The following CADPS2 variants were observed in gnomAD, a reference collection of about 807,000 sequenced individuals.
CADPS2 encodes the protein calcium dependent secretion activator 2, also known as calcium-dependent secretion activator 2.
In CADPS2, 93 loss-of-function variants were observed where a neutral mutation model predicts 172.5. That is an observed-to-expected ratio of 0.54 (90% CI 0.46 to 0.64). The LOEUF (loss-of-function observed/expected upper bound fraction) is 0.64, where lower values mean the gene tolerates loss of function less well. CADPS2 is among the 30% of genes least tolerant of loss of function. The pLI is 0.00. For synonymous variants in CADPS2, 546 were observed against 555.2 expected (o/e 0.98, Z 0.23); for missense variants, 1,420 against 1,565.9 (o/e 0.91, Z 1.57).
At chr7:122,767,275 T>C (rs1323616668) in intron 1 of CADPS2, among the ~76,000 whole-genome samples, 2 of 152,192 alleles carry the variant, frequency 1.3e-5, no homozygotes, top group Admixed American at 1.3e-4. Flanking sequence ...ATCTCATCTT[T>C]ACAACTGTGA....
intron 1 of CADPS2, among the ~76,000 whole-genome samples, chr7:122,859,217 T>A (rs1365864177): frequency 6.6e-6 from 1 of 152,218 alleles, no homozygotes; most frequent in Non-Finnish European, 1.5e-5. Flanking sequence ...AAGAAAAATA[T>A]CCCAAAAGAC....
At chr7:122,859,671 C>T (rs1019562302) in intron 1 of CADPS2, among the ~76,000 whole-genome samples, 2 of 152,192 alleles carry the variant, frequency 1.3e-5, no homozygotes, top group African/African-American at 4.8e-5. Context: ...CCCATGAATA[C>T]CAAAATCCAT....
At chr7:122,499,311 C>G (rs967742966) in intron 9 of CADPS2, among the ~76,000 whole-genome samples, 1 of 152,160 alleles carries the variant, frequency 6.6e-6, no homozygotes, top group Non-Finnish European at 1.5e-5. Flanking sequence ...TCTGCATGAG[C>G]AATAAAATCT....
chr7:122,570,889 C>T (rs1335259684), intron 7 of CADPS2, among the ~76,000 whole-genome samples: 1 of 151,740 alleles, frequency 6.6e-6, no homozygotes, highest in Non-Finnish European at 1.5e-5. Context: ...GTTGTGAGGT[C>T]GGGGGAGCGG....
At chr7:122,427,541 C>T (rs371112653) in intron 17 of CADPS2, 4 of 152,152 alleles carry the variant, frequency 2.6e-5, no homozygotes, top group Non-Finnish European at 4.4e-5. Flanking sequence ...CATCTGTATA[C>T]ATTAAATAAG....
intron 1 of CADPS2, among the ~76,000 whole-genome samples, chr7:122,819,643 C>T (rs966754610): frequency 6.6e-6 from 1 of 152,064 alleles, no homozygotes; most frequent in Admixed American, 6.6e-5. Context: ...CTTTTAAGCA[C>T]TCCTTTTTAG....
chr7:122,836,613 G>T (rs1808517265), intron 1 of CADPS2, among the ~76,000 whole-genome samples: 2 of 152,154 alleles, frequency 1.3e-5, no homozygotes, highest in African/African-American at 2.4e-5. Context: ...ACAAAAAAAG[G>T]AAGGGGTTGC....
At chr7:122,558,866 T>C (rs930327774) in intron 7 of CADPS2, among the ~76,000 whole-genome samples, 3 of 152,132 alleles carry the variant, frequency 2.0e-5, no homozygotes, top group East Asian at 3.9e-4. Context: ...CTATTTAAAT[T>C]GCTAAACTCT....
At chr7:122,600,058 T>C (rs2072514647) in intron 6 of CADPS2, among the ~76,000 whole-genome samples, 1 of 152,216 alleles carries the variant, frequency 6.6e-6, no homozygotes, top group African/African-American at 2.4e-5. Context: ...TTGATCAACT[T>C]AAAGGAATTT....
rs1450636057 is a variant in CADPS2 at position 122,341,150 on chromosome 7, T to A, written c.3612+4424A>T. Among the ~76,000 whole-genome samples the A allele has an allele frequency of 2.0e-5, 3 of 152,176 alleles. No homozygotes were observed. The South Asian group carries it at 6.2e-4, about 31-fold the overall frequency. On this transcript the variant is annotated intron_variant, in intron 28 of 29. Coordinates refer to ENST00000449022, the MANE Select transcript of CADPS2 (RefSeq NM_017954.11). The stretch of plus-strand genomic sequence containing the variant: ...TACATATTGCAACTTTTTAAAAAAA[T>A]TTGGGTTTCAGAACCACAGTGATAG...
At position 122,531,694 on chromosome 7, in the gene CADPS2, A is replaced by G. The variant is rs190246335; in HGVS notation, c.1476-18379T>C. On this transcript the variant is annotated intron_variant, in intron 8 of 29. Coordinates refer to ENST00000449022, the MANE Select transcript of CADPS2 (RefSeq NM_017954.11). ...GATCAAATGACCCAATATATGTATTATCCCTTGTAATAAGTATAAAGATAC... is the reference window on the plus strand; with the variant it reads ...GATCAAATGACCCAATATATGTATTGTCCCTTGTAATAAGTATAAAGATAC... Among the ~76,000 whole-genome samples, 18 of 152,274 alleles carry G rather than the reference A, an allele frequency of 1.2e-4. 1 individual carries two copies. The highest frequency in any genetic ancestry group is 2.5e-4 in the Non-Finnish European group (17 of 68,022).
At chr7:122,529,111 C>G (rs1293540689) in intron 8 of CADPS2, among the ~76,000 whole-genome samples, 1 of 152,012 alleles carries the variant, frequency 6.6e-6, no homozygotes, top group Admixed American at 6.6e-5. Context: ...AATTACAATG[C>G]CATGTCCAAA....
chr7:122,885,266 A>C (rs1350515457), intron 1 of CADPS2, among the ~76,000 whole-genome samples: 3 of 152,162 alleles, frequency 2.0e-5, no homozygotes, highest in Non-Finnish European at 1.5e-5. Flanking sequence ...GGGGAGAATA[A>C]GCATTTTGTT....
At chr7:122,629,396 G>C (rs2076368437) in intron 3 of CADPS2, 68 bp from the exon 4 acceptor site, 2 of 1,162,212 alleles carry the variant, frequency 1.7e-6, no homozygotes, top group Non-Finnish European at 2.4e-6. Flanking sequence ...CACAGACTGA[G>C]GCAGTCCCAC....
At chr7:122,567,666 C>T (rs1246088559) in intron 7 of CADPS2, among the ~76,000 whole-genome samples, 1 of 152,026 alleles carries the variant, frequency 6.6e-6, no homozygotes, top group East Asian at 1.9e-4. Context: ...ATGTACAATG[C>T]ATAACAATAA....
chr7:122,820,582 C>T (rs1198733794), intron 1 of CADPS2, among the ~76,000 whole-genome samples: 4 of 96,138 alleles, frequency 4.2e-5, no homozygotes, highest in Non-Finnish European at 7.7e-5. Context: ...TTTTTTGAGA[C>T]GGAGTCTCGC....
intron 7 of CADPS2, among the ~76,000 whole-genome samples, chr7:122,560,614 T>A (rs999209951): frequency 6.6e-6 from 1 of 152,180 alleles, no homozygotes; most frequent in African/African-American, 2.4e-5. Context: ...CACTTCTGCT[T>A]ACAAACAGGT....
At chr7:122,341,472 G>C (rs975378279) in intron 28 of CADPS2, among the ~76,000 whole-genome samples, 1 of 152,184 alleles carries the variant, frequency 6.6e-6, no homozygotes, top group Admixed American at 6.5e-5. Flanking sequence ...TAAGTAAACT[G>C]AGTCTTACAC....
chr7:122,726,215 T>C (rs2091070134), intron 2 of CADPS2, among the ~76,000 whole-genome samples: 1 of 152,022 alleles, frequency 6.6e-6, no homozygotes, highest in Non-Finnish European at 1.5e-5. Flanking sequence ...GGGGACTATG[T>C]CTTTAGTATG....
Sources: allele counts gnomAD v4.1 joint callset (sites outside exome capture counted in the v4.1 genomes callset), GRCh38; gene constraint gnomAD v4.1.1; transcripts MANE v1.5; gene names NCBI Gene and HGNC (gene_info 2026-07-23, HGNC 2026-07-21).